The following SCHIP1 variants were observed in gnomAD, a reference collection of about 807,000 sequenced individuals.
The protein encoded by SCHIP1 is schwannomin interacting protein 1, also known as schwannomin-interacting protein 1.
A neutral mutation model predicts 29.7 loss-of-function variants in SCHIP1; 8 were observed. That is an observed-to-expected ratio of 0.27 (90% CI 0.16 to 0.49). The LOEUF is 0.49. Among genes scored for constraint, SCHIP1 ranks in the 20% least tolerant of loss-of-function variants. The pLI, the probability that SCHIP1 is intolerant of heterozygous loss-of-function variation, is 0.99. For missense variants in SCHIP1, 193 were observed against 294.6 expected (o/e 0.66, Z 2.52); for synonymous variants, 76 against 94.9 (o/e 0.80, Z 1.16).
the SCHIP1 span, among the ~76,000 whole-genome samples, chr3:159,624,305 T>C: frequency 6.6e-6 from 1 of 152,194 alleles, no homozygotes; most frequent in Non-Finnish European, 1.5e-5. Context: ...GCCAAGACCA[T>C]ACTTTAATAG....
the SCHIP1 span, among the ~76,000 whole-genome samples, chr3:159,554,168 T>C: frequency 6.6e-6 from 1 of 152,058 alleles, no homozygotes; most frequent in South Asian, 2.1e-4. Context: ...CCTCGCCCGG[T>C]CAGTATTTTT....
the SCHIP1 span, among the ~76,000 whole-genome samples, chr3:159,733,333 T>C: frequency 2.0e-5 from 3 of 152,158 alleles, no homozygotes; most frequent in African/African-American, 7.2e-5. Context: ...CTCTCTAAGA[T>C]TGAGATGTAT....
At chr3:159,670,868 TGTGGGTGG>T in the SCHIP1 span, among the ~76,000 whole-genome samples, 1 of 151,752 alleles carries the variant, frequency 6.6e-6, no homozygotes, top group African/African-American at 2.4e-5. Context: ...TCTTTCTCTC[TGTGGGTGG>T]GTGGGTGTGT....
chr3:159,662,069 G>A, the SCHIP1 span, among the ~76,000 whole-genome samples: 2 of 152,114 alleles, frequency 1.3e-5, no homozygotes, highest in East Asian at 3.9e-4. Context: ...GTCACCCCTG[G>A]TCACCTGCTC....
At chr3:159,423,129 G>A in the SCHIP1 span, among the ~76,000 whole-genome samples, 3 of 152,322 alleles carry the variant, frequency 2.0e-5, 1 homozygote, top group African/African-American at 7.2e-5. Flanking sequence ...GCGTGAGCGA[G>A]GCAGAAGACG....
the SCHIP1 span, among the ~76,000 whole-genome samples, chr3:159,801,813 AC>A: frequency 6.6e-6 from 1 of 152,148 alleles, no homozygotes; most frequent in Non-Finnish European, 1.5e-5. Flanking sequence ...ATCCTTAAAA[AC>A]ATCTGCACGA....
the SCHIP1 span, among the ~76,000 whole-genome samples, chr3:159,350,037 G>A: frequency 6.6e-6 from 1 of 152,156 alleles, no homozygotes; most frequent in Admixed American, 6.6e-5. Flanking sequence ...CTCTCAAGGT[G>A]TAAGGAGGTT....
the SCHIP1 span, among the ~76,000 whole-genome samples, chr3:159,451,314 G>A: frequency 6.6e-6 from 1 of 152,238 alleles, no homozygotes. Flanking sequence ...TTCTATGCCA[G>A]TGGGCAAGAG....
chr3:159,447,967 G>T, the SCHIP1 span, among the ~76,000 whole-genome samples: 1 of 152,170 alleles, frequency 6.6e-6, no homozygotes, highest in African/African-American at 2.4e-5. Flanking sequence ...GGAACAAGGA[G>T]CCTAGGGATC....
chr3:159,689,661 T>G, the SCHIP1 span, among the ~76,000 whole-genome samples: 2 of 152,208 alleles, frequency 1.3e-5, no homozygotes, highest in East Asian at 3.8e-4. Context: ...AGAGAGGGCA[T>G]CCTTGTCGTG....
chr3:159,579,553 T>C, the SCHIP1 span, among the ~76,000 whole-genome samples: 3 of 152,188 alleles, frequency 2.0e-5, no homozygotes, highest in African/African-American at 7.2e-5. Flanking sequence ...TGAACACCAA[T>C]GGCAGATGGC....
chr3:159,578,739 C>G, the SCHIP1 span, among the ~76,000 whole-genome samples: 2 of 149,342 alleles, frequency 1.3e-5, no homozygotes, highest in Non-Finnish European at 2.9e-5. Context: ...GTCTCTGTCT[C>G]TGTGTCTGTC....
intron 4 of SCHIP1, chr3:159,888,214 G>T: frequency 2.7e-6 from 1 of 368,492 alleles, no homozygotes; most frequent in Non-Finnish European, 5.0e-6. Context: ...AGAACCTATT[G>T]GTCTTGGCAA....
chr3:159,465,916 T>C, the SCHIP1 span, among the ~76,000 whole-genome samples: 1 of 152,130 alleles, frequency 6.6e-6, no homozygotes, highest in Admixed American at 6.6e-5. Flanking sequence ...TTAAATAAAA[T>C]GAACAATTAA....
the SCHIP1 span, among the ~76,000 whole-genome samples, chr3:159,317,030 C>T: frequency 2.6e-5 from 4 of 152,188 alleles, no homozygotes; most frequent in African/African-American, 4.8e-5. Context: ...GTGGAGTAAC[C>T]TAAACCTTCA....
chr3:159,438,853 G>T, the SCHIP1 span, among the ~76,000 whole-genome samples: 1 of 152,148 alleles, frequency 6.6e-6, no homozygotes, highest in Admixed American at 6.5e-5. Flanking sequence ...GTATGCCATG[G>T]TGTATATGTA....
chr3:159,580,752 T>G, the SCHIP1 span, among the ~76,000 whole-genome samples: 1 of 152,164 alleles, frequency 6.6e-6, no homozygotes, highest in African/African-American at 2.4e-5. Context: ...AGATACAAGT[T>G]GTAAGTGTCC....
At chr3:159,636,156 C>T in the SCHIP1 span, among the ~76,000 whole-genome samples, 1 of 152,230 alleles carries the variant, frequency 6.6e-6, no homozygotes, top group East Asian at 1.9e-4. Context: ...TCAAGTGATT[C>T]TCCTGCCTAG....
chr3:159,843,822 CAAAAAAAAAAAAA>C (rs1161141544), intron 1 of SCHIP1, among the ~76,000 whole-genome samples: 3 of 39,990 alleles, frequency 7.5e-5, no homozygotes, highest in African/African-American at 2.1e-4. Flanking sequence ...GACTCTGTCT[CAAAAAAAAAAAAA>C]AAAAAAAAAA....
Sources: allele counts gnomAD v4.1 joint callset (sites outside exome capture counted in the v4.1 genomes callset), GRCh38; gene constraint gnomAD v4.1.1; transcripts MANE v1.5; gene names NCBI Gene and HGNC (gene_info 2026-07-23, HGNC 2026-07-21).